SCAF11: variants seen among roughly 807,000 people sequenced by gnomAD.
The protein encoded by SCAF11 is protein SCAF11.
A neutral mutation model predicts 140.5 loss-of-function variants in SCAF11; 47 were observed. The ratio of observed to expected loss-of-function variants is 0.33; its 90% CI spans 0.26 to 0.43. The LOEUF (loss-of-function observed/expected upper bound fraction) is 0.43. SCAF11 is among the 20% of genes least tolerant of loss of function. SCAF11 has a pLI of 1.00. For synonymous variants in SCAF11, 557 were observed against 579.4 expected (o/e 0.96, Z 0.55); for missense variants, 1,645 against 1,705.1 (o/e 0.96, Z 0.62).
intron 6 of SCAF11, among the ~76,000 whole-genome samples, chr12:45,942,859 T>G (rs936201773): frequency 1.3e-5 from 2 of 152,230 alleles, no homozygotes; most frequent in African/African-American, 4.8e-5. Flanking sequence ...TATATTTGCG[T>G]TTGTCTACGA....
At chr12:45,988,046 C>T (rs1157320146) in intron 1 of SCAF11, among the ~76,000 whole-genome samples, 1 of 152,174 alleles carries the variant, frequency 6.6e-6, no homozygotes, top group African/African-American at 2.4e-5. Flanking sequence ...ACTCTGGGCT[C>T]TACTCAGCAC....
rs1944847959 is a variant in SCAF11 at position 45,926,005 on chromosome 12, A to G, written c.3559+137T>C. ...CGTGTATATATATTTATATAATGCT[A>G]AGTGACTTGTAAACAACTAAGGTTC... On this transcript the variant is annotated intron_variant, in intron 11 of 14. Transcript: ENST00000369367. 3 of 801,848 alleles carry G rather than the reference A, an allele frequency of 3.7e-6. No homozygotes were observed. The Admixed American group carries it at 8.9e-5, about 24-fold the overall frequency. The allele number at this position is 801,848 out of a possible 1,614,324, so 49.7% of individuals were successfully genotyped here. A position where few individuals can be genotyped will look rare whatever the true frequency, so the allele number is the denominator to read the frequency against.
intron 7 of SCAF11, 50 bp downstream of exon 7, chr12:45,934,397 C>T (rs1945123595): frequency 2.7e-6 from 4 of 1,463,954 alleles, no homozygotes; most frequent in African/African-American, 2.8e-5. Flanking sequence ...GACTAAATAA[C>T]CCTAAAGTGT....
rs1300928094 is a variant in SCAF11 at position 45,920,238 on chromosome 12, CATT to C, written c.*1807_*1809del. On this transcript the variant is annotated 3_prime_UTR_variant, in exon 15 of 15. Coordinates refer to ENST00000369367, the MANE Select transcript of SCAF11 (RefSeq NM_004719.3). ...AACAAAGCTTATGAACTAGCACAAT[CATT>C]ATGGGACCAACATTTCAAAATATTT... 2.0e-5 allele frequency: 3 copies of C among 152,276 alleles called. No homozygotes were observed. The East Asian group carries it at 5.8e-4, about 29-fold the overall frequency. The allele number at this position is 152,276 out of a possible 1,614,324, so 9.4% of individuals were successfully genotyped here. A position where few individuals can be genotyped will look rare whatever the true frequency, so the allele number is the denominator to read the frequency against.
At chr12:45,964,381 G>C (rs1196295313) in intron 1 of SCAF11, among the ~76,000 whole-genome samples, 193 bp from the exon 2 acceptor site, 2 of 152,066 alleles carry the variant, frequency 1.3e-5, no homozygotes, top group Non-Finnish European at 2.9e-5. Flanking sequence ...GAACGGAAAA[G>C]CCTTGGCCGT....
intron 1 of SCAF11, among the ~76,000 whole-genome samples, chr12:45,973,794 G>A (rs1203336049): frequency 6.6e-6 from 1 of 152,030 alleles, no homozygotes; most frequent in Non-Finnish European, 1.5e-5. Context: ...TATTCAAAGT[G>A]GAAGAAAAAT....
Position 45,919,349 on chromosome 12 carries a change from T to C in SCAF11, c.*2699A>G, listed in dbSNP as rs1944652824. 1 of 152,672 alleles carries C rather than the reference T, an allele frequency of 6.5e-6. No individual in the cohort carries two copies. The highest frequency in any genetic ancestry group is 1.9e-4 in the East Asian group (1 of 5,192). 9.5% of individuals were successfully genotyped at this position (152,672 alleles called of 1,614,324 possible). On this transcript the variant is annotated 3_prime_UTR_variant, in exon 15 of 15. Transcript: ENST00000369367. The stretch of plus-strand genomic sequence containing the variant: ...AGGAAGGTAAGAGAAAAAAATGTGA[T>C]AATTACCAAAACAAATTTTAAAAAG...
At chr12:45,932,464 C>A (rs1316660959) in intron 9 of SCAF11, among the ~76,000 whole-genome samples, 1 of 152,104 alleles carries the variant, frequency 6.6e-6, no homozygotes, top group Non-Finnish European at 1.5e-5. Flanking sequence ...ATCTGGAATT[C>A]TTCATCTGAC....
intron 1 of SCAF11, among the ~76,000 whole-genome samples, chr12:45,970,279 A>G (rs1419663014): frequency 6.6e-6 from 1 of 152,048 alleles, no homozygotes; most frequent in Non-Finnish European, 1.5e-5. Flanking sequence ...CAATCTTCCC[A>G]CCTTGGTCTC....
chr12:45,967,452 T>C (rs1291642123), intron 1 of SCAF11, among the ~76,000 whole-genome samples: 5 of 152,232 alleles, frequency 3.3e-5, no homozygotes, highest in Non-Finnish European at 1.5e-5. Context: ...GAGACCAGCC[T>C]GGCCAACATG....
intron 3 of SCAF11, 165 bp from the exon 4 acceptor site, chr12:45,951,892 C>A (rs1290768906): frequency 5.8e-6 from 3 of 514,174 alleles, no homozygotes; most frequent in African/African-American, 5.8e-5. Context: ...TTACTGAATA[C>A]CTCCTGTATG....
intron 4 of SCAF11, among the ~76,000 whole-genome samples, chr12:45,949,318 C>A (rs1048914694): frequency 6.6e-6 from 1 of 151,960 alleles, no homozygotes; most frequent in African/African-American, 2.4e-5. Flanking sequence ...ATAAAATAGA[C>A]ACAAGATTTC....
At chr12:45,980,812 A>G (rs892044166) in intron 1 of SCAF11, among the ~76,000 whole-genome samples, 1 of 152,118 alleles carries the variant, frequency 6.6e-6, no homozygotes, top group South Asian at 2.1e-4. Flanking sequence ...TGAGAGTAGA[A>G]TAACTGGATT....
At chr12:45,969,849 G>A (rs910742917) in intron 1 of SCAF11, among the ~76,000 whole-genome samples, 1 of 151,966 alleles carries the variant, frequency 6.6e-6, no homozygotes, top group Non-Finnish European at 1.5e-5. Context: ...CAATCCTCCT[G>A]CCTCAGCCTC....
upstream of SCAF11, chr12:45,991,890 T>C (rs2136687967): frequency 1.6e-6 from 2 of 1,286,350 alleles, no homozygotes; most frequent in South Asian, 1.2e-5. Context: ...CTCACCCAGG[T>C]CCCAGTCGCT....
At chr12:45,978,897 AAAAC>A (rs147845633) in intron 1 of SCAF11, among the ~76,000 whole-genome samples, 3,397 of 152,128 alleles carry the variant, frequency 0.022, 128 homozygotes, top group African/African-American at 0.075. Flanking sequence ...ACAACAAATA[AAAAC>A]AAACAAACAA....
chr12:45,945,866 T>G (rs1349149869), intron 5 of SCAF11, among the ~76,000 whole-genome samples: 1 of 151,980 alleles, frequency 6.6e-6, no homozygotes, highest in African/African-American at 2.4e-5. Flanking sequence ...TATTATTATT[T>G]TTTTTACTAG....
intron 5 of SCAF11, 38 bp downstream of exon 5, chr12:45,948,399 C>A: frequency 7.5e-7 from 1 of 1,330,374 alleles, no homozygotes; most frequent in Non-Finnish European, 1.1e-6. Flanking sequence ...ACTTCTGTTC[C>A]ACTCATTTGC....
intron 1 of SCAF11, among the ~76,000 whole-genome samples, chr12:45,970,900 C>G (rs1262407375): frequency 1.3e-5 from 2 of 152,212 alleles, no homozygotes; most frequent in East Asian, 1.9e-4. Context: ...GAAGCGAGTG[C>G]CAAAATAATC....
Sources: allele counts gnomAD v4.1 joint callset (sites outside exome capture counted in the v4.1 genomes callset), GRCh38; gene constraint gnomAD v4.1.1; transcripts MANE v1.5; gene names NCBI Gene and HGNC (gene_info 2026-07-23, HGNC 2026-07-21).